TANC1: variants seen among roughly 807,000 people sequenced by gnomAD.
TANC1 encodes tetratricopeptide repeat, ankyrin repeat and coiled-coil containing 1, also known as protein TANC1.
TANC1 carries 77 observed loss-of-function variants against 149.7 expected under a neutral mutation model. That is an observed-to-expected ratio of 0.51 (90% CI 0.43 to 0.62). TANC1 has a LOEUF of 0.62. Among genes scored for constraint, TANC1 ranks in the 20% least tolerant of loss-of-function variants. The pLI is 0.00. For synonymous variants in TANC1, 854 were observed against 925.0 expected (o/e 0.92, Z 1.39); for missense variants, 1,985 against 2,321.8 (o/e 0.85, Z 2.98).
rs1024004788 is a variant in TANC1 at position 159,016,913 on chromosome 2, CTCT to C, written c.-16+15729_-16+15731del. 1.2e-4 allele frequency among the ~76,000 whole-genome samples: 18 copies of C among 152,266 alleles called. 1 individual carries two copies. Among genetic ancestry groups the C allele is most frequent in the South Asian group, 8.3e-4 (4 of 4,816 alleles). On this transcript the variant is annotated intron_variant, in intron 2 of 26. Transcript: ENST00000263635. ...TTTCTAGTCAAAGAAATATCTACTC[CTCT>C]TCTTATATTTCCTTCCATTGCTGGT...
chr2:159,097,630 A>G lies in TANC1; in HGVS notation c.62-7A>G. On this transcript the variant is annotated splice_polypyrimidine_tract_variant and splice_region_variant and intron_variant, in intron 3 of 26. Coordinates refer to ENST00000263635, the MANE Select transcript of TANC1 (RefSeq NM_033394.3). ...GGTTTAACCTAAGTATTCTCTCTCT[A>G]CTCTAGGAAGTGACTTTGGTCCAGA... 1 of 1,608,810 alleles carries G rather than the reference A, an allele frequency of 6.2e-7. No individual in the cohort carries two copies. Among genetic ancestry groups the G allele is most frequent in the Non-Finnish European group, 8.5e-7 (1 of 1,175,336 alleles).
rs939523317 is a variant in TANC1 at position 159,228,589 on chromosome 2, T to C, written c.4051-207T>C. ...CTTCTTGGGGCACTGTTACTACCAC[T>C]GTTTTCATAGTGGATTCTTCTCCTA... On this transcript the variant is annotated intron_variant, in intron 25 of 26. Transcript: ENST00000263635. 11 of 536,926 alleles carry C rather than the reference T, an allele frequency of 2.0e-5. No individual in the cohort carries two copies. The African/African-American group carries it at 2.1e-4, about 10-fold the overall frequency. The allele number at this position is 536,926 out of a possible 1,614,324, so 33.3% of individuals were successfully genotyped here. A position where few individuals can be genotyped will look rare whatever the true frequency, so the allele number is the denominator to read the frequency against.
At chr2:159,014,556 A>G (rs1309700660) in intron 2 of TANC1, among the ~76,000 whole-genome samples, 1 of 152,174 alleles carries the variant, frequency 6.6e-6, no homozygotes, top group Non-Finnish European at 1.5e-5. Context: ...CCTTCCCAAT[A>G]GTCCCCCACA....
chr2:159,219,975 A>AGTGTGTGTGTGTGTGTGTGT, intron 22 of TANC1, 108 bp downstream of exon 22: 1 of 745,464 alleles, frequency 1.3e-6, no homozygotes. Flanking sequence ...GTGTCATCAG[A>AGTGTGTGTGTGTGTGTGTGT]GAGTGTGTGT....
chr2:159,216,415 C>T (rs1222700136), intron 19 of TANC1, among the ~76,000 whole-genome samples: 1 of 152,182 alleles, frequency 6.6e-6, no homozygotes, highest in Admixed American at 6.5e-5. Context: ...TCCAGAGGAA[C>T]AGCCATCCCT....
chr2:159,174,882 T>TC (rs2055675414), intron 11 of TANC1, 71 bp from the exon 12 acceptor site: 1 of 1,187,846 alleles, frequency 8.4e-7, no homozygotes, highest in African/African-American at 1.5e-5. Context: ...AGAGTTGTGT[T>TC]CCTGTTTGAG....
At chr2:159,038,362 T>A (rs756509249) in intron 2 of TANC1, among the ~76,000 whole-genome samples, 9 of 152,222 alleles carry the variant, frequency 5.9e-5, no homozygotes, top group Non-Finnish European at 8.8e-5. Context: ...TCTTGTCTGA[T>A]TGCCCTGGCC....
intron 3 of TANC1, among the ~76,000 whole-genome samples, chr2:159,096,900 A>G (rs946849996): frequency 2.0e-5 from 3 of 152,258 alleles, no homozygotes; most frequent in Non-Finnish European, 4.4e-5. Flanking sequence ...GAATCAAAGA[A>G]TAAGAGCTGA....
chr2:159,029,080 A>G (rs550077990), intron 2 of TANC1, among the ~76,000 whole-genome samples: 2 of 152,186 alleles, frequency 1.3e-5, no homozygotes, highest in African/African-American at 4.8e-5. Context: ...TATATACCTC[A>G]TAAGAGTGGA....
In TANC1 at chr2:159,230,874, G is replaced by A; in HGVS notation, c.5448G>A (p.Glu1816=). 1 of 1,614,178 alleles carries A rather than the reference G, an allele frequency of 6.2e-7. No homozygotes were observed. Among genetic ancestry groups the A allele is most frequent in the South Asian group, 1.1e-5 (1 of 91,074 alleles). Residue 1816 remains glutamate, a synonymous_variant, in exon 27 of 27, where the codon GAG becomes GAA. Transcript: ENST00000263635. This position sits in a 1 kb window ranked among gnomAD's most constrained non-coding sequence, Gnocchi z 4.4. ...SKCQIPVHSQ[E]NRITKTVSHL... The stretch of plus-strand genomic sequence containing the variant: ...GCCAAATTCCAGTCCACTCTCAAGA[G>A]AACAGGATAACTAAGACTGTTTCTC...
At chr2:159,171,538 C>T (rs1280319225) in intron 10 of TANC1, among the ~76,000 whole-genome samples, 1 of 152,010 alleles carries the variant, frequency 6.6e-6, no homozygotes, top group Non-Finnish European at 1.5e-5. Flanking sequence ...GTGGGAGGAT[C>T]GCTTGAGCCC....
chr2:159,073,681 A>G (rs971986839), intron 3 of TANC1, among the ~76,000 whole-genome samples: 3 of 152,250 alleles, frequency 2.0e-5, no homozygotes, highest in African/African-American at 7.2e-5. Flanking sequence ...CTTATTTTGT[A>G]CAGACTTAGT....
At chr2:159,129,944 T>C (rs1435702380) in intron 4 of TANC1, among the ~76,000 whole-genome samples, 1 of 152,168 alleles carries the variant, frequency 6.6e-6, no homozygotes, top group African/African-American at 2.4e-5. Flanking sequence ...CAAAGTGTCA[T>C]CTGTGGTCCC....
At position 159,167,294 on chromosome 2, in the gene TANC1, G is replaced by T. The variant is rs572535372; in HGVS notation, c.947-1956G>T. Among the ~76,000 whole-genome samples the T allele has an allele frequency of 2.1e-3, 323 of 152,300 alleles. 2 individuals are homozygous for T. The highest frequency in any genetic ancestry group is 7.7e-3 in the African/African-American group (319 of 41,558). ...CCTTGGTGGGTGCATTCACCATGAGGCATGTGAGGAGAAGGGTCTCAGTGC... is the reference window on the plus strand; with the variant it reads ...CCTTGGTGGGTGCATTCACCATGAGTCATGTGAGGAGAAGGGTCTCAGTGC... On this transcript the variant is annotated intron_variant, in intron 8 of 26. Transcript: ENST00000263635.
At chr2:159,183,352 G>T (rs1409932546) in intron 14 of TANC1, among the ~76,000 whole-genome samples, 3 of 152,230 alleles carry the variant, frequency 2.0e-5, no homozygotes, top group African/African-American at 7.2e-5. Context: ...GCCAGGGCGG[G>T]TCGGCAGGTT....
intron 16 of TANC1, 65 bp from the exon 17 acceptor site, chr2:159,194,192 C>T: frequency 7.6e-7 from 1 of 1,317,952 alleles, no homozygotes; most frequent in Non-Finnish European, 1.1e-6. Context: ...GAGGATACTG[C>T]CCATTTCCAG....
At chr2:159,076,661 A>C (rs1334563909) in intron 3 of TANC1, among the ~76,000 whole-genome samples, 2 of 152,230 alleles carry the variant, frequency 1.3e-5, no homozygotes, top group South Asian at 2.1e-4. Context: ...TTTTTAAACT[A>C]TGATAAAGTA....
chr2:158,989,609 CAAAA>C (rs35891573), intron 1 of TANC1, among the ~76,000 whole-genome samples: 4 of 87,602 alleles, frequency 4.6e-5, no homozygotes, highest in Admixed American at 1.3e-4. Context: ...GACTCAGTCT[CAAAA>C]AAAAAAAAAA....
At chr2:158,981,305 A>G (rs1210866118) in intron 1 of TANC1, among the ~76,000 whole-genome samples, 1 of 150,778 alleles carries the variant, frequency 6.6e-6, no homozygotes, top group Non-Finnish European at 1.5e-5. Flanking sequence ...TGAAAAAAAA[A>G]TCATCTGGGT....
Sources: gnomAD v4.1 joint callset for allele counts (sites outside exome capture counted in the v4.1 genomes callset) on GRCh38, gnomAD v4.1.1 for gene constraint, Gnocchi (gnomAD v3.1) non-coding constraint, MANE v1.5 for transcripts, NCBI Gene and HGNC (gene_info 2026-07-23, HGNC 2026-07-21) for gene names.